The following NPIPA9 variants were observed in gnomAD, a reference collection of about 807,000 sequenced individuals.
NPIPA9 encodes nuclear pore complex-interacting protein family member A9.
chr16:18,375,086 G>A lies in NPIPA9; in HGVS notation c.-307-17C>T, dbSNP rs575153236. Reference sequence around the variant, plus strand: ...CCCAGCCACCTGCAGGACAAGGGCAGTGGTCAGCGGGCGGCAGCTCAGACC... The same window carrying A: ...CCCAGCCACCTGCAGGACAAGGGCAATGGTCAGCGGGCGGCAGCTCAGACC... On this transcript the variant is annotated splice_polypyrimidine_tract_variant and intron_variant, in intron 1 of 9. Transcript: ENST00000427999. 4.4e-4 allele frequency: 323 copies of A among 741,640 alleles called. 71 individuals are homozygous for A. Among genetic ancestry groups the A allele is most frequent in the South Asian group, 3.8e-3 (225 of 58,998 alleles). 45.9% of individuals were successfully genotyped at this position (741,640 alleles called of 1,614,324 possible).
chr16:18,364,588 C>T (rs2141681161), exon 5 of NPIPA9: 1 of 99,618 alleles, frequency 1.0e-5, no homozygotes, highest in African/African-American at 5.2e-4. Context: ...ATCCGTGGAT[C>T]CATCATGTCC....
chr16:18,372,091 C>T (rs1326137055), intron 3 of NPIPA9: 4 of 58,460 alleles, frequency 6.8e-5, no homozygotes, highest in South Asian at 1.1e-4. Flanking sequence ...GGACGGGGAC[C>T]GGGCCCGATC....
At chr16:18,370,731 TAAG>T (rs1900532977) in intron 3 of NPIPA9, among the ~76,000 whole-genome samples, 1 of 119,120 alleles carries the variant, frequency 8.4e-6, no homozygotes, top group South Asian at 2.9e-4. Flanking sequence ...TAAGCTATGA[TAAG>T]AAAGAGACTG....
chr16:18,369,499 CAA>C (rs1409242785), intron 3 of NPIPA9, among the ~76,000 whole-genome samples: 1 of 61,968 alleles, frequency 1.6e-5, no homozygotes, highest in African/African-American at 1.1e-4. Context: ...TGTTTTGAGA[CAA>C]AGTCTTGCTC....
At chr16:18,370,277 G>A (rs1228950969) in intron 3 of NPIPA9, among the ~76,000 whole-genome samples, 10 of 130,440 alleles carry the variant, frequency 7.7e-5, no homozygotes, top group Middle Eastern at 3.9e-3. Flanking sequence ...GTGACAGAGC[G>A]AGACTCTGTC....
intron 3 of NPIPA9, chr16:18,371,384 G>A (rs371821076): frequency 1.1e-4 from 18 of 167,802 alleles, no homozygotes; most frequent in Middle Eastern, 2.5e-3. Flanking sequence ...CCCCGGAAGC[G>A]GAGGTTGCAG....
At chr16:18,374,421 G>A (rs1273833170) in intron 2 of NPIPA9, 2 of 247,434 alleles carry the variant, frequency 8.1e-6, no homozygotes, top group Non-Finnish European at 1.5e-5. Context: ...GTGACAGAAT[G>A]GAATGAGACT....
At position 18,376,780 on chromosome 16, in the gene NPIPA9, C is replaced by T. The variant is rs548753567; in HGVS notation, c.-352G>A. 8.9e-5 allele frequency: 34 copies of T among 383,846 alleles called. 3 individuals carry two copies. Among genetic ancestry groups the T allele is most frequent in the East Asian group, 7.3e-4 (18 of 24,704 alleles). 23.8% of individuals were successfully genotyped at this position (383,846 alleles called of 1,614,324 possible). Reference sequence around the variant, plus strand: ...AAGAGAAAGAGGATGGCCAGGTAGACGGGATAGACAACCACGCTGGACACC... The same window carrying T: ...AAGAGAAAGAGGATGGCCAGGTAGATGGGATAGACAACCACGCTGGACACC... On this transcript the variant is annotated 5_prime_UTR_variant, in exon 1 of 10. Transcript: ENST00000427999.
chr16:18,371,451 T>TAAAAA lies in NPIPA9; in HGVS notation c.63+1267_63+1271dup, dbSNP rs778066038. ...TGGGCGACAGAATGAGACTCTGTCT[T>TAAAAA]AAAAAAAAAAAAAAAAAAAAAAAAA... On this transcript the variant is annotated intron_variant, in intron 3 of 9. Transcript: ENST00000427999. 2.1e-3 allele frequency among the ~76,000 whole-genome samples: 120 copies of TAAAAA among 56,596 alleles called. 1 individual carries two copies. Among genetic ancestry groups the TAAAAA allele is most frequent in the Non-Finnish European group, 3.3e-3 (99 of 29,654 alleles). 37.1% of individuals were successfully genotyped at this position (56,596 alleles called of 152,430 possible).
At chr16:18,370,478 T>C (rs1900528504) in intron 3 of NPIPA9, among the ~76,000 whole-genome samples, 1 of 78,212 alleles carries the variant, frequency 1.3e-5, no homozygotes, top group African/African-American at 4.8e-5. Flanking sequence ...GATTTAACTA[T>C]ATATTCTTGA....
At chr16:18,363,410 G>A (rs1216497868) in intron 6 of NPIPA9, among the ~76,000 whole-genome samples, 120 of 21,510 alleles carry the variant, frequency 5.6e-3, no homozygotes, top group African/African-American at 0.038. Flanking sequence ...GATAAGAATC[G>A]TTTGAACCTG....
chr16:18,363,669 T>TA (rs1224641324), intron 6 of NPIPA9, among the ~76,000 whole-genome samples: 10 of 4,068 alleles, frequency 2.5e-3, no homozygotes, highest in East Asian at 6.5e-3. Context: ...ATCTCAAAAT[T>TA]AAAAAAAAAA....
chr16:18,371,477 A>AAAAAAAAAAAAAG (rs1214808508), intron 3 of NPIPA9, among the ~76,000 whole-genome samples: 10 of 123,728 alleles, frequency 8.1e-5, no homozygotes, highest in African/African-American at 3.0e-4. Flanking sequence ...AAAAAAAAAA[A>AAAAAAAAAAAAAG]GTCATCAAAC....
At chr16:18,369,545 CAGCTCACTGCAA>C (rs1388390023) in intron 3 of NPIPA9, among the ~76,000 whole-genome samples, 2 of 73,332 alleles carry the variant, frequency 2.7e-5, no homozygotes, top group Non-Finnish European at 4.9e-5. Context: ...GGCATGATCT[CAGCTCACTGCAA>C]CCTCCGCCTC....
At chr16:18,363,914 T>G (rs1224802920) in intron 6 of NPIPA9, among the ~76,000 whole-genome samples, 33 of 714 alleles carry the variant, frequency 0.046, no homozygotes, top group African/African-American at 0.14. Flanking sequence ...GAGCTGAGAT[T>G]GTGCCATTGC....
At chr16:18,371,451 TAA>T (rs778066038) in intron 3 of NPIPA9, among the ~76,000 whole-genome samples, 372 of 56,324 alleles carry the variant, frequency 6.6e-3, no homozygotes, top group African/African-American at 0.018. Flanking sequence ...GACTCTGTCT[TAA>T]AAAAAAAAAA....
At chr16:18,364,709 G>A (rs1337869521) in intron 4 of NPIPA9, 75 bp from the exon 5 acceptor site, 23 of 27,318 alleles carry the variant, frequency 8.4e-4, no homozygotes, top group South Asian at 1.6e-3. Flanking sequence ...TTGGGAGGCC[G>A]AGGCAGGGTG....
chr16:18,370,782 A>ACT (rs1366284726), intron 3 of NPIPA9, among the ~76,000 whole-genome samples: 3 of 119,354 alleles, frequency 2.5e-5, no homozygotes, highest in Non-Finnish European at 1.8e-5. Flanking sequence ...GGGGTGACAT[A>ACT]ATAGTGTAGA....
chr16:18,375,229 G>A (rs1279842949), intron 1 of NPIPA9, among the ~76,000 whole-genome samples, 160 bp from the exon 2 acceptor site: 6 of 137,776 alleles, frequency 4.4e-5, no homozygotes, highest in South Asian at 2.3e-4. Context: ...CGTGATGGCA[G>A]CCCCTCGCGA....
Sources: allele counts gnomAD v4.1 joint callset (sites outside exome capture counted in the v4.1 genomes callset), GRCh38; gene constraint gnomAD v4.1.1; transcripts MANE v1.5; gene names NCBI Gene and HGNC (gene_info 2026-07-23, HGNC 2026-07-21).